The following PLA2G4B variants were observed in gnomAD, a reference collection of about 807,000 sequenced individuals.
The protein encoded by PLA2G4B is phospholipase A2 group IVB.
In PLA2G4B, 122 loss-of-function variants were observed where a neutral mutation model predicts 95.8. The ratio of observed to expected loss-of-function variants is 1.27; its 90% confidence interval spans 1.10 to 1.48. The LOEUF (loss-of-function observed/expected upper bound fraction) is 1.48, where lower values mean the gene tolerates loss of function less well. Among genes scored for constraint, PLA2G4B ranks in the 40% most tolerant of loss-of-function variants. PLA2G4B has a pLI of 0.00. For missense variants in PLA2G4B, 1,158 were observed against 996.2 expected (o/e 1.16, Z -2.19); for synonymous variants, 518 against 421.5 (o/e 1.23, Z -2.80).
chr15:41,844,751 C>A, intron 12 of PLA2G4B, 97 bp from the exon 13 acceptor site: 1 of 1,538,596 alleles, frequency 6.5e-7, no homozygotes, highest in Non-Finnish European at 8.8e-7. Context: ...CTGGGAAGGT[C>A]CCTGCCAGGC....
chr15:41,846,167 G>A (rs947657043), intron 16 of PLA2G4B, 36 bp from the exon 17 acceptor site: 12 of 1,602,156 alleles, frequency 7.5e-6, no homozygotes, highest in African/African-American at 5.4e-5. Flanking sequence ...GGATAAAGGT[G>A]CAGGAGTCCC....
At chr15:41,843,616 G>A (rs2065476678) in intron 10 of PLA2G4B, 60 bp from the exon 11 acceptor site, 3 of 1,582,362 alleles carry the variant, frequency 1.9e-6, no homozygotes, top group East Asian at 2.3e-5. Flanking sequence ...GGCAGACCCA[G>A]CTTTCCATTC....
In PLA2G4B at chr15:41,841,112, G is replaced by A; in HGVS notation, c.392+17G>A. 3 of 1,606,164 alleles carry A rather than the reference G, an allele frequency of 1.9e-6. No homozygotes were observed. In the South Asian group the frequency reaches 3.3e-5, roughly 18 times the overall value. On this transcript the variant is annotated intron_variant, in intron 5 of 19. Transcript: ENST00000458483. Reference sequence around the variant, plus strand: ...GCAGAGTCTGTGAGTCAGGGGCCTGGGGCAGTTTGGGTGGGAGTGCCTTGT... The same window carrying A: ...GCAGAGTCTGTGAGTCAGGGGCCTGAGGCAGTTTGGGTGGGAGTGCCTTGT...
Position 41,844,676 on chromosome 15 carries a change from C to G in PLA2G4B, c.1016+69C>G. Reference sequence around the variant, plus strand: ...GTGCTGGTGCCAGGGTTCTCCTAGGCCTCTGAGAAAACTAGAAGGGCTGGG... The same window carrying G: ...GTGCTGGTGCCAGGGTTCTCCTAGGGCTCTGAGAAAACTAGAAGGGCTGGG... On this transcript the variant is annotated intron_variant, in intron 12 of 19. Transcript: ENST00000458483. 18 of 1,608,402 alleles carry G rather than the reference C, an allele frequency of 1.1e-5. No individual in the cohort carries two copies. The South Asian group carries it at 2.0e-4, about 18-fold the overall frequency.
rs1567168877 is a variant in PLA2G4B, at chr15:41,840,665, G to C, written c.219+5G>C. On this transcript the variant is annotated splice_donor_5th_base_variant and intron_variant, in intron 3 of 19. Coordinates refer to ENST00000458483, the MANE Select transcript of PLA2G4B (RefSeq NM_001114633.2). The stretch of plus-strand genomic sequence containing the variant: ...AGGATCCACAGGCAGCTCAAGGTGG[G>C]CCAGGCATCAGCGCTGACTCTACCC... 6.2e-7 allele frequency: 1 copy of C among 1,612,278 alleles called. No individual in the cohort carries two copies. The highest frequency in any genetic ancestry group is 1.3e-5 in the African/African-American group (1 of 75,040).
At chr15:41,842,895 CAG>C (rs2065460991) in intron 10 of PLA2G4B, 2 of 383,306 alleles carry the variant, frequency 5.2e-6, no homozygotes, top group African/African-American at 4.3e-5. Context: ...GTTTGGGGCG[CAG>C]AGAGGGCAGG....
intron 8 of PLA2G4B, 73 bp downstream of exon 8, chr15:41,842,022 A>G (rs950557119): frequency 1.9e-6 from 3 of 1,566,478 alleles, no homozygotes; most frequent in Non-Finnish European, 2.6e-6. Context: ...TCCCAGTCTG[A>G]CCTCTGCTCC....
Position 41,845,050 on chromosome 15 carries a change from G to C in PLA2G4B, c.1219G>C (p.Glu407Gln), listed in dbSNP as rs775582705. The change falls in exon 13 of 20, where the codon GAG becomes CAG. Residue 407 changes from glutamate (E) to glutamine (Q), a missense_variant. Transcript: ENST00000458483. Reference protein sequence around the residue: ...CFTNLWALINEALLHDEPHDH... With the variant: ...CFTNLWALINQALLHDEPHDH... ...CACCAACCTGTGGGCCCTCATCAAC[G>C]AGGCGCTGCTGCATGATGAGGTGCG... The C allele has an allele frequency of 6.3e-7, 1 of 1,598,144 alleles. No homozygotes were observed. The highest frequency in any genetic ancestry group is 1.3e-5 in the African/African-American group (1 of 74,594).
chr15:41,847,231 A>G (rs2065576726), intron 18 of PLA2G4B, 106 bp from the exon 19 acceptor site: 1 of 1,468,134 alleles, frequency 6.8e-7, no homozygotes, highest in Non-Finnish European at 9.0e-7. Context: ...CCCACTGGAG[A>G]CCGTTTTGGC....
chr15:41,842,889 G>A, intron 10 of PLA2G4B: 1 of 404,616 alleles, frequency 2.5e-6, no homozygotes, highest in Non-Finnish European at 4.4e-6. Context: ...AACATGGTTT[G>A]GGGCGCAGAG....
At position 41,847,523 on chromosome 15, in the gene PLA2G4B, GGT is replaced by G; in HGVS notation, c.2134+2_2134+3del. Reference sequence around the variant, plus strand: ...CTCCTTCCGGGAGTACTCGGCCCCTGGTGAGCTGCTGTTCACCTCCCCATCCT... The same window carrying G: ...CTCCTTCCGGGAGTACTCGGCCCCTGGAGCTGCTGTTCACCTCCCCATCCT... On this transcript the variant is annotated splice_donor_variant, in intron 19 of 19. Transcript: ENST00000458483. LOFTEE classifies it high-confidence loss of function. 6.2e-7 allele frequency: 1 copy of G among 1,603,282 alleles called. No homozygotes were observed. The highest frequency in any genetic ancestry group is 8.5e-7 in the Non-Finnish European group (1 of 1,172,314).
At chr15:41,846,596 A>G (rs969125317) in intron 17 of PLA2G4B, 73 bp from the exon 18 acceptor site, 9 of 1,541,482 alleles carry the variant, frequency 5.8e-6, no homozygotes, top group Non-Finnish European at 7.9e-6. Context: ...ACCAGAGGCC[A>G]GAGTCTCTCC....
At position 41,846,753 on chromosome 15, in the gene PLA2G4B, C is replaced by A; in HGVS notation, c.1865C>A (p.Thr622Asn). The change falls in exon 18 of 20, where the codon ACC becomes AAC. Residue 622 changes from threonine (T) to asparagine (N), a missense_variant. Physicochemically the swap from Thr to Asn is moderately conservative, Grantham distance 65. Transcript: ENST00000458483. ...CTGGATGTTGGCTACCTCATCAATACCAGCTGCCTGCCCCTCCTGCAGCCC... is the reference window on the plus strand; with the variant it reads ...CTGGATGTTGGCTACCTCATCAATAACAGCTGCCTGCCCCTCCTGCAGCCC... ...CLLDVGYLIN[T>N]SCLPLLQPTR... The A allele has an allele frequency of 1.2e-6, 2 of 1,614,046 alleles. No individual in the cohort carries two copies. Among genetic ancestry groups the A allele is most frequent in the Non-Finnish European group, 1.7e-6 (2 of 1,179,982 alleles).
Position 41,846,814 on chromosome 15 carries a change from C to T in PLA2G4B, c.1926C>T (p.Tyr642=), listed in dbSNP as rs548600988. The change falls in exon 18 of 20, where the codon TAC becomes TAT. Residue 642 remains tyrosine (Y), a synonymous_variant. Transcript: ENST00000458483. ...RDVDLILSLD[Y]NLHGAFQQLQ... is the part of the protein sequence containing the mutation. ...TGGACCTCATCCTGTCATTGGACTA[C>T]AACCTCCACGGAGCCTTCCAGGTTG... 6.8e-6 allele frequency: 11 copies of T among 1,612,454 alleles called. No individual in the cohort carries two copies. The East Asian group carries it at 2.5e-4, about 36-fold the overall frequency.
rs375412644 is a variant in PLA2G4B, at chr15:41,841,919, C to G, written c.591C>G (p.Cys197Trp). 249 of 1,613,000 alleles carry G rather than the reference C, an allele frequency of 1.5e-4. No individual in the cohort carries two copies. The highest frequency in any genetic ancestry group is 2.0e-4 in the Non-Finnish European group (239 of 1,179,884). Residue 197 changes from cysteine (C) to tryptophan (W), a missense_variant, in exon 8 of 20, where the codon TGC (cysteine) becomes TGG (tryptophan). Physicochemically the swap from Cys to Trp is radical, Grantham distance 215. Coordinates refer to ENST00000458483, the MANE Select transcript of PLA2G4B (RefSeq NM_001114633.2). Reference protein sequence around the residue: ...TGTFRFHCPACWEQELSIRLQ... With the variant: ...TGTFRFHCPAWWEQELSIRLQ... Reference sequence around the variant, plus strand: ...CCTTCCGCTTCCACTGCCCAGCCTGCTGGGAGCAGGAGCTGAGTATTCGCC... The same window carrying G: ...CCTTCCGCTTCCACTGCCCAGCCTGGTGGGAGCAGGAGCTGAGTATTCGCC...
intron 2 of PLA2G4B, 45 bp from the exon 3 acceptor site, chr15:41,840,479 G>T (rs940236406): frequency 1.2e-6 from 2 of 1,612,074 alleles, no homozygotes; most frequent in Non-Finnish European, 1.7e-6. Flanking sequence ...CTGGGCGGCT[G>T]GGAAGGGCTC....
chr15:41,847,598 C>T, intron 19 of PLA2G4B, 51 bp from the exon 20 acceptor site: 1 of 1,612,298 alleles, frequency 6.2e-7, no homozygotes, highest in Non-Finnish European at 8.5e-7. Flanking sequence ...CCTCTCCAAA[C>T]CTGTCTTCCC....
intron 2 of PLA2G4B, 57 bp from the exon 3 acceptor site, chr15:41,840,467 G>T (rs908738031): frequency 2.5e-6 from 4 of 1,610,868 alleles, no homozygotes; most frequent in Non-Finnish European, 3.4e-6. Flanking sequence ...AAGGAAGTGG[G>T]TCTGGGCGGC....
chr15:41,841,737 T>C, intron 7 of PLA2G4B, 82 bp from the exon 8 acceptor site: 2 of 1,578,110 alleles, frequency 1.3e-6, no homozygotes, highest in South Asian at 2.3e-5. Context: ...GAGAGGGAGG[T>C]GCCCTCCAGG....
Sources: allele counts gnomAD v4.1 joint callset, GRCh38; gene constraint gnomAD v4.1.1; transcripts MANE v1.5; gene names NCBI Gene and HGNC (gene_info 2026-07-23, HGNC 2026-07-21).